The following USH2A variants were observed in gnomAD, a reference collection of about 807,000 sequenced individuals.
USH2A encodes Usher syndrome 2A (autosomal recessive, mild).
In USH2A, 443 loss-of-function variants were observed where a neutral mutation model predicts 538.9. That is an observed-to-expected ratio of 0.82 (90% CI 0.76 to 0.89). The LOEUF is 0.89. Ranked by LOEUF, USH2A falls within the 40% of genes least tolerant of loss-of-function variation. The pLI is 0.00. For synonymous variants in USH2A, 2,413 were observed against 2,273.5 expected, an observed-to-expected ratio of 1.06 and a Z score of -1.75; for missense variants, 6,633 against 6,324.8, an observed-to-expected ratio of 1.05 and a Z score of -1.65.
intron 38 of USH2A, among the ~76,000 whole-genome samples, chr1:215,930,503 T>A (rs1666336962): frequency 6.6e-6 from 1 of 152,082 alleles, no homozygotes; most frequent in South Asian, 2.1e-4. Context: ...GCAAAACTTC[T>A]AAGCTTCTTT....
chr1:215,655,762 G>A (rs917888850), intron 64 of USH2A, among the ~76,000 whole-genome samples: 5 of 121,534 alleles, frequency 4.1e-5, no homozygotes, highest in African/African-American at 3.3e-5. Flanking sequence ...TTGAGACAGA[G>A]TCTCGCTCTT....
intron 62 of USH2A, among the ~76,000 whole-genome samples, chr1:215,679,064 C>T (rs183575374): frequency 1.3e-5 from 2 of 152,326 alleles, no homozygotes; most frequent in Admixed American, 1.3e-4. Flanking sequence ...AGAAGTCTGG[C>T]TTCTGTCCAC....
chr1:215,703,260 G>T (rs976527033), intron 61 of USH2A, among the ~76,000 whole-genome samples: 4 of 152,150 alleles, frequency 2.6e-5, no homozygotes, highest in Non-Finnish European at 5.9e-5. Flanking sequence ...CTCCTTCTGG[G>T]ATGGGTCTCC....
At chr1:215,670,119 G>GA (rs911626868) in intron 64 of USH2A, among the ~76,000 whole-genome samples, 3 of 152,198 alleles carry the variant, frequency 2.0e-5, no homozygotes, top group Non-Finnish European at 4.4e-5. Flanking sequence ...GCAGGGAAAA[G>GA]AAAAACTTTT....
chr1:215,908,224 C>T (rs763103832), intron 38 of USH2A, among the ~76,000 whole-genome samples: 58 of 151,864 alleles, frequency 3.8e-4, no homozygotes, highest in Non-Finnish European at 7.4e-4. Context: ...AGTTCATCTC[C>T]CAAAACCCCA....
chr1:215,993,401 G>A (rs917934867), intron 34 of USH2A, among the ~76,000 whole-genome samples: 1 of 152,104 alleles, frequency 6.6e-6, no homozygotes, highest in Non-Finnish European at 1.5e-5. Flanking sequence ...ATGAATGTAT[G>A]AATTAAGGAA....
At chr1:216,219,575 A>G (rs1006873448) in intron 14 of USH2A, among the ~76,000 whole-genome samples, 1 of 152,140 alleles carries the variant, frequency 6.6e-6, no homozygotes, top group Non-Finnish European at 1.5e-5. Context: ...AAAATTATAC[A>G]TAATAAAGGA....
chr1:215,640,617 C>T lies in USH2A; in HGVS notation c.14909G>A (p.Gly4970Glu), dbSNP rs759901279. 5 of 1,613,636 alleles carry T rather than the reference C, an allele frequency of 3.1e-6. No homozygotes were observed. The highest frequency in any genetic ancestry group is 3.4e-6 in the Non-Finnish European group (4 of 1,179,922). ...QLKEYVLTDG[G>E]RRVYSGLDTT... Reference sequence around the variant, plus strand: ...GTCCAAGCCGCTGTACACGCGTCGCCCTCCGTCGGTTAACACGTACTCCTT... The same window carrying T: ...GTCCAAGCCGCTGTACACGCGTCGCTCTCCGTCGGTTAACACGTACTCCTT... The change falls in exon 68 of 72, where the codon GGG (glycine) becomes GAG (glutamate). Residue 4970 changes from glycine (G) to glutamate (E), a missense_variant. By Grantham distance (98) the Gly-to-Glu change is moderately conservative. Transcript: ENST00000307340.
At chr1:216,407,038 C>T (rs1326395934) in intron 3 of USH2A, among the ~76,000 whole-genome samples, 2 of 152,036 alleles carry the variant, frequency 1.3e-5, no homozygotes, top group Non-Finnish European at 2.9e-5. Flanking sequence ...AATTTTGCCC[C>T]AAATCCCTAG....
At chr1:215,931,514 C>A (rs948086983) in intron 38 of USH2A, among the ~76,000 whole-genome samples, 1 of 151,964 alleles carries the variant, frequency 6.6e-6, no homozygotes, top group Non-Finnish European at 1.5e-5. Flanking sequence ...ACCCTCCTTA[C>A]AGTTTGAGCT....
chr1:216,368,392 G>C (rs2038639773), intron 3 of USH2A, among the ~76,000 whole-genome samples: 1 of 152,154 alleles, frequency 6.6e-6, no homozygotes, highest in Admixed American at 6.5e-5. Flanking sequence ...TGAAATGCCA[G>C]ATCTTTGCTG....
rs533452451 is a variant in USH2A at position 216,041,256 on chromosome 1, C to T, written c.6325+5175G>A. Among the ~76,000 whole-genome samples, 7 of 151,974 alleles carry T rather than the reference C, an allele frequency of 4.6e-5. No homozygotes were observed. In the East Asian group the frequency reaches 1.4e-3, roughly 29 times the overall value. ...TTCATTTTTCAGTGTCAGAACTGAC[C>T]CACCATACTACTAGCTTATGGCCTA... On this transcript the variant is annotated intron_variant, in intron 32 of 71. Transcript: ENST00000307340.
chr1:216,416,581 T>G (rs1265919662), intron 3 of USH2A, among the ~76,000 whole-genome samples: 2 of 152,166 alleles, frequency 1.3e-5, no homozygotes, highest in Admixed American at 1.3e-4. Flanking sequence ...AGAGAAAGAT[T>G]TAAAGATTCA....
At chr1:216,170,855 A>G (rs1163878372) in intron 21 of USH2A, among the ~76,000 whole-genome samples, 1 of 152,086 alleles carries the variant, frequency 6.6e-6, no homozygotes, top group Non-Finnish European at 1.5e-5. Context: ...CAAAGGCACA[A>G]TGATATCCCC....
chr1:215,918,728 A>G (rs1327051601), intron 38 of USH2A, among the ~76,000 whole-genome samples: 1 of 152,130 alleles, frequency 6.6e-6, no homozygotes, highest in Non-Finnish European at 1.5e-5. Flanking sequence ...ATTTCACCTT[A>G]TAAGTAGTAG....
chr1:216,132,873 C>A (rs2033405775), intron 21 of USH2A, among the ~76,000 whole-genome samples: 1 of 152,092 alleles, frequency 6.6e-6, no homozygotes, highest in African/African-American at 2.4e-5. Context: ...CCAGAAAGAG[C>A]AGAATGGCTA....
At chr1:216,153,537 C>T (rs1302846378) in intron 21 of USH2A, among the ~76,000 whole-genome samples, 1 of 152,178 alleles carries the variant, frequency 6.6e-6, no homozygotes, top group African/African-American at 2.4e-5. Flanking sequence ...TTAGTAGATG[C>T]CAATAAACAC....
intron 20 of USH2A, among the ~76,000 whole-genome samples, chr1:216,179,619 A>G (rs1438510278): frequency 6.6e-6 from 1 of 152,162 alleles, no homozygotes; most frequent in Non-Finnish European, 1.5e-5. Context: ...TATTCTTTTC[A>G]GAGTTCTTCT....
At chr1:216,028,186 G>A (rs571669139) in intron 32 of USH2A, among the ~76,000 whole-genome samples, 1 of 152,008 alleles carries the variant, frequency 6.6e-6, no homozygotes, top group South Asian at 2.1e-4. Flanking sequence ...TCAGGAGTTC[G>A]AGACCAGCCG....
Sources: gnomAD v4.1 joint callset for allele counts (sites outside exome capture counted in the v4.1 genomes callset) on GRCh38, gnomAD v4.1.1 for gene constraint, MANE v1.5 for transcripts, NCBI Gene and HGNC (gene_info 2026-07-23, HGNC 2026-07-21) for gene names.